ROBO2: variants seen among roughly 807,000 people sequenced by gnomAD.
The protein encoded by ROBO2 is roundabout guidance receptor 2.
Under a neutral mutation model 160.8 loss-of-function variants are expected in ROBO2, and 53 were observed. That is an observed-to-expected ratio of 0.33 (90% CI 0.26 to 0.41). The LOEUF (loss-of-function observed/expected upper bound fraction) is 0.41, where lower values mean the gene tolerates loss of function less well. ROBO2 is among the 10% of genes least tolerant of loss of function. ROBO2 has a pLI of 1.00. For missense variants in ROBO2, 1,577 were observed against 1,722.4 expected (o/e 0.92, Z 1.49); for synonymous variants, 664 against 611.7 (o/e 1.09, Z -1.26).
intron 2 of ROBO2, among the ~76,000 whole-genome samples, chr3:76,353,999 TG>T (rs2075023680): frequency 6.6e-6 from 1 of 151,912 alleles, no homozygotes; most frequent in African/African-American, 2.4e-5. Flanking sequence ...AAATGATCTC[TG>T]ATTGAGAATA....
At chr3:77,554,730 T>C (rs899839492) in intron 8 of ROBO2, among the ~76,000 whole-genome samples, 1 of 151,960 alleles carries the variant, frequency 6.6e-6, no homozygotes, top group African/African-American at 2.4e-5. Flanking sequence ...ATGATACAAA[T>C]TGAACAAATG....
chr3:76,743,320 G>A (rs1422218500), intron 2 of ROBO2, among the ~76,000 whole-genome samples: 7 of 151,914 alleles, frequency 4.6e-5, no homozygotes, highest in Non-Finnish European at 7.4e-5. Context: ...GAAAATAATG[G>A]AATAAAAATG....
At chr3:76,428,881 G>C (rs562849271) in intron 2 of ROBO2, among the ~76,000 whole-genome samples, 2 of 152,206 alleles carry the variant, frequency 1.3e-5, no homozygotes, top group South Asian at 2.1e-4. Context: ...ACGGTCGTGG[G>C]ACTGACCATC....
intron 2 of ROBO2, among the ~76,000 whole-genome samples, chr3:76,105,890 A>G (rs1261187332): frequency 3.9e-5 from 6 of 152,132 alleles, no homozygotes; most frequent in African/African-American, 1.2e-4. Context: ...ATAATTAACA[A>G]AGATTATCAC....
intron 2 of ROBO2, among the ~76,000 whole-genome samples, chr3:77,100,314 A>G (rs558990323): frequency 3.3e-5 from 5 of 152,260 alleles, no homozygotes; most frequent in Middle Eastern, 3.4e-3. Flanking sequence ...TTCTAATGCC[A>G]TGTCAACAGT....
chr3:76,364,092 A>G (rs1189666905), intron 2 of ROBO2, among the ~76,000 whole-genome samples: 1 of 152,074 alleles, frequency 6.6e-6, no homozygotes, highest in African/African-American at 2.4e-5. Flanking sequence ...CCTCCGTCAC[A>G]TTATATGTTC....
At chr3:75,960,223 G>C (rs1948862783) in intron 2 of ROBO2, among the ~76,000 whole-genome samples, 1 of 151,816 alleles carries the variant, frequency 6.6e-6, no homozygotes, top group Non-Finnish European at 1.5e-5. Flanking sequence ...CTTCAGAGCA[G>C]CTGATGTCAG....
chr3:76,464,466 G>GGA (rs1396525915), intron 2 of ROBO2, among the ~76,000 whole-genome samples: 1 of 151,750 alleles, frequency 6.6e-6, no homozygotes, highest in Non-Finnish European at 1.5e-5. Context: ...CTACCCCTAA[G>GGA]GATCACACCA....
intron 1 of ROBO2, among the ~76,000 whole-genome samples, chr3:77,095,105 T>TA (rs1046751455): frequency 4.6e-5 from 7 of 152,108 alleles, no homozygotes; most frequent in Non-Finnish European, 1.0e-4. Flanking sequence ...TTCAAAATCA[T>TA]AAAAAACTTG....
chr3:76,592,295 A>C (rs1269840216), intron 2 of ROBO2, among the ~76,000 whole-genome samples: 1 of 152,090 alleles, frequency 6.6e-6, no homozygotes, highest in Non-Finnish European at 1.5e-5. Flanking sequence ...CTTTTTAACC[A>C]ATTCCCCTGG....
At chr3:76,475,741 G>A (rs189111664) in intron 2 of ROBO2, among the ~76,000 whole-genome samples, 1 of 152,292 alleles carries the variant, frequency 6.6e-6, no homozygotes, top group Non-Finnish European at 1.5e-5. Context: ...TTCAAGAGAT[G>A]TTTCATTATA....
At chr3:76,039,856 T>TAA (rs1429253945) in intron 2 of ROBO2, among the ~76,000 whole-genome samples, 1 of 152,082 alleles carries the variant, frequency 6.6e-6, no homozygotes. Context: ...CTGGCTCAAA[T>TAA]TAATCAGTAT....
At chr3:77,440,343 A>G in intron 2 of ROBO2, among the ~76,000 whole-genome samples, 1 of 152,172 alleles carries the variant, frequency 6.6e-6, no homozygotes, top group African/African-American at 2.4e-5. Flanking sequence ...ATTGAGTGGC[A>G]AAACTCATTA....
At chr3:77,360,186 C>T (rs1228904141) in intron 2 of ROBO2, among the ~76,000 whole-genome samples, 3 of 151,856 alleles carry the variant, frequency 2.0e-5, no homozygotes, top group Non-Finnish European at 2.9e-5. Context: ...GTGTCAGGGC[C>T]GGCGGGGAGT....
intron 2 of ROBO2, among the ~76,000 whole-genome samples, chr3:76,553,107 C>T (rs7623570): frequency 0.97 from 147,225 of 152,218 alleles, 71,407 homozygotes; most frequent in East Asian, 1. Flanking sequence ...CAACTCTAGA[C>T]CTTGAGAGAA....
At position 77,571,647 on chromosome 3, in the gene ROBO2, T is replaced by A. The variant is rs924038110; in HGVS notation, c.1972-2852T>A. 3.3e-5 allele frequency among the ~76,000 whole-genome samples: 5 copies of A among 152,112 alleles called. No homozygotes were observed. In the South Asian group the frequency reaches 8.3e-4, roughly 25 times the overall value. On this transcript the variant is annotated intron_variant, in intron 13 of 25. Transcript: ENST00000461745. ...ATTCATGTTTCAGAAAATACTATTT[T>A]AAAAAAATATATAAACCCATGAATC... is the stretch of plus-strand genomic sequence containing the variant.
chr3:76,813,577 CTA>C (rs2065390148), intron 2 of ROBO2, among the ~76,000 whole-genome samples: 2 of 152,108 alleles, frequency 1.3e-5, no homozygotes, highest in African/African-American at 4.8e-5. Flanking sequence ...TACGAAGTAA[CTA>C]TTCCCAAATT....
chr3:76,272,839 A>ATGTAT (rs1707580212), intron 2 of ROBO2, among the ~76,000 whole-genome samples: 1 of 34,208 alleles, frequency 2.9e-5, no homozygotes, highest in African/African-American at 1.1e-4. Flanking sequence ...AAATATATAT[A>ATGTAT]TTATATATTA....
At chr3:77,452,589 G>A (rs367713787) in intron 2 of ROBO2, among the ~76,000 whole-genome samples, 5 of 151,848 alleles carry the variant, frequency 3.3e-5, no homozygotes, top group African/African-American at 1.2e-4. Context: ...GTAATTTTGC[G>A]GTTCTTTTAA....
Sources: gnomAD v4.1 joint callset for allele counts (sites outside exome capture counted in the v4.1 genomes callset) on GRCh38, gnomAD v4.1.1 for gene constraint, MANE v1.5 for transcripts, NCBI Gene and HGNC (gene_info 2026-07-23, HGNC 2026-07-21) for gene names.